GBE1: variants seen among roughly 807,000 people sequenced by gnomAD.
The protein encoded by GBE1 is 1,4-alpha-glucan-branching enzyme.
A neutral mutation model predicts 88.8 loss-of-function variants in GBE1; 70 were observed. That is an observed-to-expected ratio of 0.79 (90% CI 0.65 to 0.96). GBE1 has a LOEUF of 0.96. Among genes scored for constraint, GBE1 ranks in the 40% least tolerant of loss-of-function variants. The pLI, the probability that GBE1 is intolerant of heterozygous loss-of-function variation, is 0.00. For synonymous variants in GBE1, 284 were observed against 300.1 expected (o/e 0.95, Z 0.56); for missense variants, 872 against 871.0 (o/e 1.00, Z -0.01).
At chr3:81,741,514 AAAAAAG>A (rs1706348814) in intron 1 of GBE1, among the ~76,000 whole-genome samples, 1 of 152,072 alleles carries the variant, frequency 6.6e-6, no homozygotes, top group Non-Finnish European at 1.5e-5. Context: ...ACTATAACCT[AAAAAAG>A]AAGTACTCTT....
intron 7 of GBE1, among the ~76,000 whole-genome samples, chr3:81,617,780 A>G (rs1177836737): frequency 1.3e-5 from 2 of 151,938 alleles, no homozygotes; most frequent in East Asian, 1.9e-4. Flanking sequence ...GGAAGAATCT[A>G]TACTAGATTA....
intron 14 of GBE1, among the ~76,000 whole-genome samples, chr3:81,511,524 A>C (rs1442297090): frequency 6.6e-6 from 1 of 151,992 alleles, no homozygotes; most frequent in Non-Finnish European, 1.5e-5. Context: ...TGGGCAAAAG[A>C]CATGACCAGA....
At chr3:81,676,969 T>C (rs1241685847) in intron 2 of GBE1, among the ~76,000 whole-genome samples, 1 of 152,178 alleles carries the variant, frequency 6.6e-6, no homozygotes, top group African/African-American at 2.4e-5. Flanking sequence ...ACACAAACTC[T>C]ATGTTTATCT....
intron 2 of GBE1, among the ~76,000 whole-genome samples, chr3:81,682,442 G>A (rs573464191): frequency 6.6e-6 from 1 of 152,014 alleles, no homozygotes; most frequent in East Asian, 1.9e-4. Context: ...AGCCTGGGTG[G>A]TAGAGCAAGG....
Position 81,642,968 on chromosome 3 carries a change from G to T in GBE1, c.805C>A (p.Leu269Ile), listed in dbSNP as rs1409315848. Residue 269 changes from leucine (L) to isoleucine (I), a missense_variant, in exon 7 of 16, where the codon CTA (leucine) becomes ATA (isoleucine). Leu to Ile is a conservative substitution (Grantham distance 5, BLOSUM62 2). Transcript: ENST00000429644. ...ASSRYGTPEE[L>I]QELVDTAHSM... The stretch of plus-strand genomic sequence containing the variant: ...TGAGCTGTGTCTACCAGTTCTTGTA[G>T]CTCTTCAGGTGTTCCATAACGGCTA... 1 of 1,610,626 alleles carries T rather than the reference G, an allele frequency of 6.2e-7. No homozygotes were observed.
intron 12 of GBE1, among the ~76,000 whole-genome samples, chr3:81,545,061 C>T (rs1341935518): frequency 6.6e-6 from 1 of 152,038 alleles, no homozygotes; most frequent in Non-Finnish European, 1.5e-5. Flanking sequence ...AAAACGTTAG[C>T]GCCTACTCCT....
At chr3:81,520,877 G>A (rs1430522050) in intron 14 of GBE1, among the ~76,000 whole-genome samples, 1 of 151,138 alleles carries the variant, frequency 6.6e-6, no homozygotes, top group Non-Finnish European at 1.5e-5. Context: ...CCTAGAATAT[G>A]GCTGTAGATT....
At chr3:81,567,353 T>C (rs1397759354) in intron 12 of GBE1, among the ~76,000 whole-genome samples, 1 of 152,248 alleles carries the variant, frequency 6.6e-6, no homozygotes, top group East Asian at 1.9e-4. Context: ...TCCTGGACTT[T>C]CTTTTCTTCC....
intron 2 of GBE1, among the ~76,000 whole-genome samples, chr3:81,671,475 C>T (rs1170374056): frequency 6.6e-6 from 1 of 151,934 alleles, no homozygotes; most frequent in Non-Finnish European, 1.5e-5. Flanking sequence ...AGGTGGAATG[C>T]AGAACGTGGA....
At chr3:81,611,031 C>T (rs1233814042) in intron 7 of GBE1, among the ~76,000 whole-genome samples, 1 of 151,554 alleles carries the variant, frequency 6.6e-6, no homozygotes, top group Non-Finnish European at 1.5e-5. Context: ...CTTTATAGTA[C>T]TCTCAATGGA....
Position 81,670,771 on chromosome 3 carries a change from T to A in GBE1, c.429+67A>T. ...CAGTTGTACATTCTAATAGTTTAAA[T>A]CAAACTTGGCAAACAAGATAAAAAG... On this transcript the variant is annotated intron_variant, in intron 3 of 15. Transcript: ENST00000429644. 3.5e-6 allele frequency: 3 copies of A among 846,090 alleles called. No homozygotes were observed. In the South Asian group the frequency reaches 5.4e-5, roughly 15 times the overall value. The allele number at this position is 846,090 out of a possible 1,614,324, so 52.4% of individuals were successfully genotyped here. A position where few individuals can be genotyped will look rare whatever the true frequency, so the allele number is the denominator to read the frequency against.
intron 2 of GBE1, among the ~76,000 whole-genome samples, chr3:81,705,148 C>T (rs1001461898): frequency 1.3e-5 from 2 of 152,070 alleles, no homozygotes; most frequent in Admixed American, 6.6e-5. Flanking sequence ...AGCTTGCTAA[C>T]AAAGTTAAGT....
intron 7 of GBE1, among the ~76,000 whole-genome samples, chr3:81,596,703 C>T (rs1260793742): frequency 1.3e-5 from 2 of 151,790 alleles, no homozygotes; most frequent in East Asian, 1.9e-4. Flanking sequence ...ATACCCAGAC[C>T]TCAAAATCAA....
intron 7 of GBE1, among the ~76,000 whole-genome samples, chr3:81,615,043 T>C (rs972092771): frequency 6.6e-6 from 1 of 152,090 alleles, no homozygotes; most frequent in Non-Finnish European, 1.5e-5. Context: ...AAAAGTTTTG[T>C]ATTGTTTTAA....
chr3:81,591,474 A>G (rs1430945966), intron 8 of GBE1, among the ~76,000 whole-genome samples: 1 of 152,182 alleles, frequency 6.6e-6, no homozygotes, highest in African/African-American at 2.4e-5. Context: ...AATTCTAAAT[A>G]TCAAATAATT....
At chr3:81,651,530 T>A (rs1704851249) in intron 3 of GBE1, among the ~76,000 whole-genome samples, 1 of 151,864 alleles carries the variant, frequency 6.6e-6, no homozygotes, top group Non-Finnish European at 1.5e-5. Flanking sequence ...AAAACATGAA[T>A]CAATAAGACC....
chr3:81,606,210 T>C (rs1266811469), intron 7 of GBE1, among the ~76,000 whole-genome samples: 2 of 152,190 alleles, frequency 1.3e-5, no homozygotes, highest in Non-Finnish European at 2.9e-5. Flanking sequence ...AGATATCTGA[T>C]GAAATTTAGA....
rs1328296506 is a variant in GBE1, at chr3:81,761,476, G to A, written c.42C>T (p.Tyr14=). 1 of 1,612,902 alleles carries A rather than the reference G, an allele frequency of 6.2e-7. No individual in the cohort carries two copies. The highest frequency in any genetic ancestry group is 1.7e-4 in the Middle Eastern group (1 of 5,948). Residue 14 remains tyrosine (Y), a synonymous_variant, in exon 1 of 16, where the codon TAC becomes TAT. Transcript: ENST00000429644. ...CCAGGGCGGCATTGAGCGCCGCCTCGTAGTCCTCGGGCCGAGCCGCGGGAG... is the reference window on the plus strand; with the variant it reads ...CCAGGGCGGCATTGAGCGCCGCCTCATAGTCCTCGGGCCGAGCCGCGGGAG... ...PMTPAARPED[Y]EAALNAALAD...
intron 14 of GBE1, among the ~76,000 whole-genome samples, chr3:81,507,600 C>A (rs894936937): frequency 1.3e-5 from 2 of 151,256 alleles, no homozygotes; most frequent in African/African-American, 2.4e-5. Flanking sequence ...AACTTACTAG[C>A]GAATGTAATC....
Sources: gnomAD v4.1 joint callset for allele counts (sites outside exome capture counted in the v4.1 genomes callset) on GRCh38, gnomAD v4.1.1 for gene constraint, MANE v1.5 for transcripts, NCBI Gene and HGNC (gene_info 2026-07-23, HGNC 2026-07-21) for gene names.